The following GALNTL5 variants were observed in gnomAD, a reference collection of about 807,000 sequenced individuals.
The protein encoded by GALNTL5 is polypeptide N-acetylgalactosaminyltransferase like 5, also known as inactive polypeptide N-acetylgalactosaminyltransferase-like protein 5.
A neutral mutation model predicts 51.0 loss-of-function variants in GALNTL5; 44 were observed. That is an observed-to-expected ratio of 0.86 (90% CI 0.68 to 1.11). The LOEUF is 1.11. Among genes scored for constraint, GALNTL5 ranks in the 50% least tolerant of loss-of-function variants. The pLI, the probability that GALNTL5 is intolerant of heterozygous loss-of-function variation, is 0.00. For synonymous variants in GALNTL5, 192 were observed against 182.8 expected (o/e 1.05, Z -0.41); for missense variants, 528 against 531.8 (o/e 0.99, Z 0.07).
intron 8 of GALNTL5, among the ~76,000 whole-genome samples, chr7:152,016,840 G>A (rs149721741): frequency 2.2e-3 from 341 of 152,048 alleles, no homozygotes; most frequent in African/African-American, 7.9e-3. Context: ...TTCAAGACCA[G>A]CCTGGCCAAT....
intron 5 of GALNTL5, among the ~76,000 whole-genome samples, chr7:151,993,801 G>C (rs1478782745): frequency 6.6e-6 from 1 of 151,814 alleles, no homozygotes; most frequent in Non-Finnish European, 1.5e-5. Context: ...TTAATTTTTG[G>C]TAGAGATGTG....
rs777297966 is a variant in GALNTL5, at chr7:151,983,099, C to T, written c.482C>T (p.Thr161Met). The T allele has an allele frequency of 2.0e-5, 32 of 1,614,124 alleles. No individual in the cohort carries two copies. The highest frequency in any genetic ancestry group is 1.3e-4 in the South Asian group (12 of 91,078). ...FQTMSSVTNL[T>M]PHYFLEEIIL... The stretch of plus-strand genomic sequence containing the variant: ...ACCATGTCCAGTGTCACGAACCTCA[C>T]GCCACACTATTTTCTTGAAGAAATT... The change falls in exon 4 of 9, where the codon ACG becomes ATG. Residue 161 changes from threonine to methionine, a missense_variant. Transcript: ENST00000392800.
intron 6 of GALNTL5, among the ~76,000 whole-genome samples, chr7:152,004,991 A>G (rs2081626055): frequency 1.3e-5 from 2 of 152,184 alleles, no homozygotes; most frequent in African/African-American, 4.8e-5. Context: ...TGCTGGATTC[A>G]ATGGTAGTTC....
chr7:151,973,050 A>G (rs1409903325), intron 3 of GALNTL5, among the ~76,000 whole-genome samples: 1 of 152,086 alleles, frequency 6.6e-6, no homozygotes, highest in African/African-American at 2.4e-5. Flanking sequence ...GCTGCGGGGG[A>G]TGTACCCTGC....
At chr7:151,965,727 A>T (rs1350019131) in intron 1 of GALNTL5, among the ~76,000 whole-genome samples, 1 of 152,044 alleles carries the variant, frequency 6.6e-6, no homozygotes, top group Non-Finnish European at 1.5e-5. Flanking sequence ...AAAAAATAAT[A>T]ATAATAATAA....
chr7:151,999,838 G>T (rs1303671581), intron 5 of GALNTL5, among the ~76,000 whole-genome samples: 1 of 152,190 alleles, frequency 6.6e-6, no homozygotes, highest in Admixed American at 6.5e-5. Context: ...CTCAGTTTTG[G>T]TTGAGGCATG....
intron 7 of GALNTL5, among the ~76,000 whole-genome samples, chr7:152,013,854 T>C (rs908309549): frequency 3.3e-5 from 5 of 152,260 alleles, no homozygotes; most frequent in African/African-American, 4.8e-5. Context: ...TGTTTTCTTC[T>C]GTGTGCTTTC....
Position 152,010,073 on chromosome 7 carries a change from T to C in GALNTL5, c.1026+2129T>C, listed in dbSNP as rs184637391. On this transcript the variant is annotated intron_variant, in intron 7 of 8. Coordinates refer to ENST00000392800, the MANE Select transcript of GALNTL5 (RefSeq NM_145292.4). ...TTGAGTACTGTTATGTATGAAGCACTGTGCTGGGTGCTAAAATACAGTGGC... is the reference window on the plus strand; with the variant it reads ...TTGAGTACTGTTATGTATGAAGCACCGTGCTGGGTGCTAAAATACAGTGGC... 2.3e-3 allele frequency among the ~76,000 whole-genome samples: 344 copies of C among 152,268 alleles called. 1 individual carries two copies. The highest frequency in any genetic ancestry group is 8.0e-3 in the African/African-American group (332 of 41,548).
intron 1 of GALNTL5, among the ~76,000 whole-genome samples, chr7:151,962,716 C>G (rs2151936851): frequency 6.6e-6 from 1 of 152,234 alleles, no homozygotes; most frequent in East Asian, 1.9e-4. Context: ...TCACACAATT[C>G]TCTTCCTCCA....
chr7:151,987,984 C>T (rs2081382144), intron 5 of GALNTL5, among the ~76,000 whole-genome samples: 2 of 152,220 alleles, frequency 1.3e-5, no homozygotes, highest in Non-Finnish European at 2.9e-5. Flanking sequence ...ACGGCATGAC[C>T]TTGACATGAG....
chr7:152,011,497 G>C (rs572921953), intron 7 of GALNTL5, among the ~76,000 whole-genome samples: 35 of 152,358 alleles, frequency 2.3e-4, no homozygotes, highest in African/African-American at 7.0e-4. Flanking sequence ...ATGCTGGCAA[G>C]GTGTGCTGCT....
chr7:151,986,578 T>G (rs1050464383), intron 4 of GALNTL5, among the ~76,000 whole-genome samples: 1 of 152,110 alleles, frequency 6.6e-6, no homozygotes, highest in Non-Finnish European at 1.5e-5. Flanking sequence ...AAGGCTGCAG[T>G]GAGCTATGAT....
At chr7:152,014,504 G>T (rs1374192163) in intron 7 of GALNTL5, 140 bp from the exon 8 acceptor site, 4 of 692,258 alleles carry the variant, frequency 5.8e-6, no homozygotes, top group Non-Finnish European at 9.3e-6. Flanking sequence ...CCTTCCTTAG[G>T]TGATCTGACT....
At chr7:152,010,439 T>C (rs1394128638) in intron 7 of GALNTL5, among the ~76,000 whole-genome samples, 1 of 152,228 alleles carries the variant, frequency 6.6e-6, no homozygotes, top group African/African-American at 2.4e-5. Flanking sequence ...ATGAATCTTC[T>C]ATCTATTGAG....
chr7:151,969,595 C>T (rs1382798842), intron 2 of GALNTL5, among the ~76,000 whole-genome samples: 1 of 151,882 alleles, frequency 6.6e-6, no homozygotes, highest in African/African-American at 2.4e-5. Flanking sequence ...ATGAGGTCAC[C>T]ATCTTCCCGG....
chr7:151,971,448 C>A (rs754020847), intron 3 of GALNTL5, among the ~76,000 whole-genome samples: 16 of 152,114 alleles, frequency 1.1e-4, no homozygotes, highest in African/African-American at 3.1e-4. Context: ...AAAAATTGTT[C>A]TTTCAATTGT....
chr7:151,983,796 G>A lies in GALNTL5; in HGVS notation c.535+644G>A, dbSNP rs561538173. 1.2e-4 allele frequency among the ~76,000 whole-genome samples: 18 copies of A among 152,334 alleles called. No individual in the cohort carries two copies. The South Asian group carries it at 3.3e-3, about 28-fold the overall frequency. On this transcript the variant is annotated intron_variant, in intron 4 of 8. Transcript: ENST00000392800. Reference sequence around the variant, plus strand: ...AAAAGTGTTTTTGGTAGCTTAAGCAGCATCGTAAAGGCCCAGAGGTAAGAG... The same window carrying A: ...AAAAGTGTTTTTGGTAGCTTAAGCAACATCGTAAAGGCCCAGAGGTAAGAG...
At position 151,970,172 on chromosome 7, in the gene GALNTL5, C is replaced by G. The variant is rs2081116658; in HGVS notation, c.248-773C>G. On this transcript the variant is annotated intron_variant, in intron 2 of 8. Transcript: ENST00000392800. Reference sequence around the variant, plus strand: ...TTGGGGGGGCCCCCACCAATAGACGCCTGGCCGCTGGGTGAAAGGGAAAGC... The same window carrying G: ...TTGGGGGGGCCCCCACCAATAGACGGCTGGCCGCTGGGTGAAAGGGAAAGC... 3.3e-5 allele frequency among the ~76,000 whole-genome samples: 5 copies of G among 150,268 alleles called. No individual in the cohort carries two copies. The South Asian group carries it at 1.1e-3, about 32-fold the overall frequency.
At chr7:151,971,921 G>A (rs2081149540) in intron 3 of GALNTL5, among the ~76,000 whole-genome samples, 1 of 152,194 alleles carries the variant, frequency 6.6e-6, no homozygotes. Flanking sequence ...CCAGCCATGT[G>A]GAACTGAGTC....
Sources: allele counts gnomAD v4.1 joint callset (sites outside exome capture counted in the v4.1 genomes callset), GRCh38; gene constraint gnomAD v4.1.1; transcripts MANE v1.5; gene names NCBI Gene and HGNC (gene_info 2026-07-23, HGNC 2026-07-21).